ZNF385B: variants seen among roughly 807,000 people sequenced by gnomAD.
ZNF385B encodes zinc finger protein 385B, also known as zinc finger protein 533.
In ZNF385B, 23 loss-of-function variants were observed where a neutral mutation model predicts 39.2. The ratio of observed to expected loss-of-function variants is 0.59; its 90% CI spans 0.42 to 0.83. The LOEUF is 0.83. ZNF385B is among the 40% of genes least tolerant of loss of function. The pLI is 0.00. For synonymous variants in ZNF385B, 205 were observed against 222.6 expected, an observed-to-expected ratio of 0.92 and a Z score of 0.70; for missense variants, 552 against 598.9, an observed-to-expected ratio of 0.92 and a Z score of 0.82.
chr2:179,812,572 A>G (rs148627210), intron 1 of ZNF385B, among the ~76,000 whole-genome samples: 2 of 152,334 alleles, frequency 1.3e-5, no homozygotes, highest in African/African-American at 2.4e-5. Context: ...GTTCTCACTT[A>G]TAAGTGGGAG....
At chr2:179,599,981 G>A (rs375327456) in intron 3 of ZNF385B, among the ~76,000 whole-genome samples, 5 of 152,188 alleles carry the variant, frequency 3.3e-5, no homozygotes, top group African/African-American at 9.7e-5. Context: ...CATGGATTGC[G>A]TTAACCATTT....
At chr2:179,449,627 CCATGCT>C in intron 6 of ZNF385B, among the ~76,000 whole-genome samples, 1 of 152,162 alleles carries the variant, frequency 6.6e-6, no homozygotes, top group Non-Finnish European at 1.5e-5. Flanking sequence ...GAAGAACATT[CCATGCT>C]CATGGGTAGG....
intron 5 of ZNF385B, among the ~76,000 whole-genome samples, chr2:179,511,233 G>A (rs1399686303): frequency 6.6e-6 from 1 of 152,108 alleles, no homozygotes; most frequent in Non-Finnish European, 1.5e-5. Context: ...CCAAAGTTGT[G>A]GCTTCCTTCC....
chr2:179,648,409 TG>T (rs1692926471), intron 3 of ZNF385B, among the ~76,000 whole-genome samples: 1 of 152,112 alleles, frequency 6.6e-6, no homozygotes, highest in African/African-American at 2.4e-5. Context: ...GGTGTCAGAT[TG>T]GAGGTATCAG....
intron 3 of ZNF385B, among the ~76,000 whole-genome samples, chr2:179,615,915 T>C (rs1004354224): frequency 6.6e-6 from 1 of 152,234 alleles, no homozygotes; most frequent in African/African-American, 2.4e-5. Context: ...ATAAACATTT[T>C]TGAATTTTCT....
intron 3 of ZNF385B, among the ~76,000 whole-genome samples, chr2:179,696,756 C>A (rs1477098603): frequency 6.6e-6 from 1 of 152,134 alleles, no homozygotes; most frequent in African/African-American, 2.4e-5. Context: ...TTCATATCAA[C>A]ATACGTATTA....
chr2:179,759,625 G>C lies in ZNF385B; in HGVS notation c.298+9878C>G, dbSNP rs143970736. 1.8e-3 allele frequency among the ~76,000 whole-genome samples: 272 copies of C among 152,078 alleles called. 1 individual carries two copies. The highest frequency in any genetic ancestry group is 6.3e-3 in the African/African-American group (260 of 41,492). ...TGGAATGTTTTTTCTTGAATAATTT[G>C]AAACTCATCTTTGAGTACTCATCTC... On this transcript the variant is annotated intron_variant, in intron 3 of 9. Coordinates refer to ENST00000410066, the MANE Select transcript of ZNF385B (RefSeq NM_152520.6).
chr2:179,610,362 A>G (rs966428970), intron 3 of ZNF385B, among the ~76,000 whole-genome samples: 1 of 151,986 alleles, frequency 6.6e-6, no homozygotes, highest in Non-Finnish European at 1.5e-5. Flanking sequence ...TGAGTTCCCT[A>G]CAGACTTAAT....
chr2:179,688,181 T>C (rs1011800406), intron 3 of ZNF385B, among the ~76,000 whole-genome samples: 9 of 152,016 alleles, frequency 5.9e-5, no homozygotes, highest in African/African-American at 2.2e-4. Flanking sequence ...AAAGCAGGTA[T>C]ATGAGTTAGA....
At chr2:179,467,899 G>T (rs572455338) in intron 6 of ZNF385B, among the ~76,000 whole-genome samples, 2 of 152,186 alleles carry the variant, frequency 1.3e-5, no homozygotes, top group Admixed American at 1.3e-4. Flanking sequence ...TCTAAAACCA[G>T]CCCTGCATCA....
intron 3 of ZNF385B, among the ~76,000 whole-genome samples, chr2:179,580,860 G>A (rs1686427857): frequency 6.6e-6 from 1 of 152,178 alleles, no homozygotes; most frequent in Non-Finnish European, 1.5e-5. Flanking sequence ...AGGGCCAACT[G>A]AACTCTGTCG....
chr2:179,808,013 T>C (rs924208529), intron 1 of ZNF385B, among the ~76,000 whole-genome samples: 3 of 151,718 alleles, frequency 2.0e-5, no homozygotes, highest in South Asian at 2.1e-4. Context: ...ATTTATAATA[T>C]CGTATATAAT....
At chr2:179,556,476 T>C (rs2060913935) in intron 3 of ZNF385B, among the ~76,000 whole-genome samples, 3 of 149,694 alleles carry the variant, frequency 2.0e-5, no homozygotes. Context: ...CTTTCTCAAG[T>C]TTTCTGCAAT....
chr2:179,605,184 A>G (rs1246506916), intron 3 of ZNF385B, among the ~76,000 whole-genome samples: 1 of 152,148 alleles, frequency 6.6e-6, no homozygotes. Flanking sequence ...TTATAGAAGT[A>G]TTTTAATTTT....
chr2:179,512,119 A>T (rs1428322465), intron 5 of ZNF385B, among the ~76,000 whole-genome samples: 3 of 152,224 alleles, frequency 2.0e-5, no homozygotes, highest in Admixed American at 2.0e-4. Flanking sequence ...GTCAATTCTG[A>T]CTTAGAGTAT....
At chr2:179,709,327 G>C (rs941028536) in intron 3 of ZNF385B, among the ~76,000 whole-genome samples, 2 of 152,172 alleles carry the variant, frequency 1.3e-5, no homozygotes, top group African/African-American at 4.8e-5. Flanking sequence ...ATGTTGTTCT[G>C]TCTGCCATTA....
intron 1 of ZNF385B, among the ~76,000 whole-genome samples, chr2:179,793,529 C>T (rs1016841209): frequency 2.6e-5 from 4 of 152,210 alleles, no homozygotes; most frequent in African/African-American, 9.6e-5. Flanking sequence ...TTATAAGAGG[C>T]TCTTCCCCTT....
At chr2:179,478,766 A>G (rs2053682914) in intron 6 of ZNF385B, among the ~76,000 whole-genome samples, 1 of 152,196 alleles carries the variant, frequency 6.6e-6, no homozygotes, top group South Asian at 2.1e-4. Flanking sequence ...GTTGACTCTC[A>G]TAACATTTTA....
At position 179,634,463 on chromosome 2, in the gene ZNF385B, C is replaced by T. The variant is rs146035845; in HGVS notation, c.299-89494G>A. 8.2e-3 allele frequency among the ~76,000 whole-genome samples: 1,247 copies of T among 152,330 alleles called. 11 individuals carry two copies. Among genetic ancestry groups the T allele is most frequent in the Admixed American group, 0.014 (212 of 15,310 alleles). On this transcript the variant is annotated intron_variant, in intron 3 of 9. Coordinates refer to ENST00000410066, the MANE Select transcript of ZNF385B (RefSeq NM_152520.6). The stretch of plus-strand genomic sequence containing the variant: ...AGACACATGAAAAAATGCTCATCAT[C>T]ACTGGTCATCAGAGAAATGCAAATG...
Sources: allele counts gnomAD v4.1 joint callset (sites outside exome capture counted in the v4.1 genomes callset), GRCh38; gene constraint gnomAD v4.1.1; transcripts MANE v1.5; gene names NCBI Gene and HGNC (gene_info 2026-07-23, HGNC 2026-07-21).